CASK: variants seen among roughly 807,000 people sequenced by gnomAD.
CASK encodes the protein calcium/calmodulin dependent serine protein kinase.
A neutral mutation model predicts 82.9 loss-of-function variants in CASK; 4 were observed. That is an observed-to-expected ratio of 0.05 (90% CI 0.02 to 0.11). The LOEUF (loss-of-function observed/expected upper bound fraction) is 0.11, where lower values mean the gene tolerates loss of function less well. Ranked by LOEUF, CASK falls within the 10% of genes least tolerant of loss-of-function variation. The probability of loss-of-function intolerance (pLI) is 1.00; values close to 1 mark genes in which losing one functional copy is unlikely to be tolerated. For missense variants in CASK, 358 were observed against 720.9 expected, an observed-to-expected ratio of 0.50 and a Z score of 5.76; for synonymous variants, 259 against 253.5, an observed-to-expected ratio of 1.02 and a Z score of -0.20.
At chrX:41,814,098 T>C (rs760544842) in intron 2 of CASK, among the ~76,000 whole-genome samples, 1 of 111,970 alleles carries the variant, frequency 8.9e-6, no homozygotes, top group Admixed American at 9.4e-5. Context: ...AAACAACAGG[T>C]GCTGGAGAGG....
At chrX:41,618,797 C>T (rs1361053804) in intron 11 of CASK, among the ~76,000 whole-genome samples, 5 of 107,632 alleles carry the variant, frequency 4.6e-5, no homozygotes, top group Non-Finnish European at 7.7e-5. Flanking sequence ...GAATGATTTG[C>T]ATTTGGTAAT....
chrX:41,900,407 C>T (rs899438124), intron 1 of CASK, among the ~76,000 whole-genome samples: 1 of 110,444 alleles, frequency 9.1e-6, no homozygotes, highest in African/African-American at 3.3e-5. Context: ...TTGATGGTAC[C>T]TCATAACTCC....
At chrX:41,652,908 T>G (rs949236803) in intron 8 of CASK, among the ~76,000 whole-genome samples, 23 of 112,396 alleles carry the variant, frequency 2.0e-4, no homozygotes, top group East Asian at 8.4e-4. Flanking sequence ...GATCTCTGAT[T>G]TGTAGCCAGT....
chrX:41,713,427 T>C (rs1235394145), intron 5 of CASK, among the ~76,000 whole-genome samples: 2 of 112,189 alleles, frequency 1.8e-5, no homozygotes, highest in African/African-American at 6.5e-5. Context: ...AAGGGGACTG[T>C]CCAATTTCAC....
At chrX:41,820,865 G>A (rs2070521777) in intron 2 of CASK, among the ~76,000 whole-genome samples, 1 of 111,072 alleles carries the variant, frequency 9.0e-6, no homozygotes, top group Admixed American at 9.6e-5. Context: ...ACTCAATAGG[G>A]TTATTTCAAC....
intron 17 of CASK, among the ~76,000 whole-genome samples, chrX:41,560,586 C>CT (rs1164154941): frequency 2.8e-5 from 3 of 105,527 alleles, no homozygotes; most frequent in East Asian, 6.3e-4. Context: ...TTAATTTTGG[C>CT]TTTTTTTTAA....
intron 11 of CASK, among the ~76,000 whole-genome samples, chrX:41,616,477 C>T (rs931888473): frequency 3.6e-5 from 4 of 111,679 alleles, no homozygotes; most frequent in African/African-American, 1.3e-4. Flanking sequence ...GCCTAACTTA[C>T]TACACTAATA....
intron 12 of CASK, among the ~76,000 whole-genome samples, chrX:41,595,767 TTCTC>T (rs2065812301): frequency 9.0e-6 from 1 of 111,673 alleles, no homozygotes; most frequent in Non-Finnish European, 1.9e-5. Context: ...ATGCTGTCCT[TTCTC>T]TCATCCAGAT....
intron 5 of CASK, chrX:41,675,927 A>G: frequency 8.3e-7 from 1 of 1,207,816 alleles, no homozygotes; most frequent in East Asian, 3.0e-5. Flanking sequence ...TTTGCAAGAG[A>G]GCAGGCTTTC....
intron 13 of CASK, among the ~76,000 whole-genome samples, chrX:41,589,029 T>C (rs1171631625): frequency 8.9e-6 from 1 of 112,374 alleles, no homozygotes; most frequent in Admixed American, 9.5e-5. Context: ...TTTTCCAAAC[T>C]TTCTGCAATG....
intron 5 of CASK, among the ~76,000 whole-genome samples, chrX:41,733,831 T>C (rs1035537257): frequency 8.9e-6 from 1 of 111,939 alleles, no homozygotes; most frequent in African/African-American, 3.2e-5. Flanking sequence ...CTATACAACA[T>C]GATAAACTTT....
chrX:41,604,763 A>G (rs1189302083), intron 12 of CASK, among the ~76,000 whole-genome samples: 1 of 112,354 alleles, frequency 8.9e-6, no homozygotes, highest in Non-Finnish European at 1.9e-5. Context: ...AGCTGGACCA[A>G]GCAGTTCCTC....
rs375806938 is a variant in CASK, at chrX:41,901,925, T to C, written c.59+21005A>G. Among the ~76,000 whole-genome samples the C allele has an allele frequency of 4.5e-5, 5 of 111,662 alleles. No homozygotes were observed. The East Asian group carries it at 1.1e-3, about 25-fold the overall frequency. ...GGCACCTGGATTCAAGGACGCAGGCTTGGTGCCTGGGATCACGAAGGTAGG... is the reference window on the plus strand; with the variant it reads ...GGCACCTGGATTCAAGGACGCAGGCCTGGTGCCTGGGATCACGAAGGTAGG... On this transcript the variant is annotated intron_variant, in intron 1 of 26. Coordinates refer to ENST00000378163, the MANE Select transcript of CASK (RefSeq NM_001367721.1).
rs147456035 is a variant in CASK, at chrX:41,748,491, C to T, written c.279-2890G>A. 9.3e-3 allele frequency: 1,725 copies of T among 186,022 alleles called. 18 individuals carry two copies. Among genetic ancestry groups the T allele is most frequent in the South Asian group, 0.031 (318 of 10,225 alleles). 15.3% of individuals were successfully genotyped at this position (186,022 alleles called of 1,213,427 possible). Reference sequence around the variant, plus strand: ...AAGATCTAGTAAAATGGCAGAATAACCTGTTCCTATCCCACCAGTTTGGAT... The same window carrying T: ...AAGATCTAGTAAAATGGCAGAATAATCTGTTCCTATCCCACCAGTTTGGAT... On this transcript the variant is annotated intron_variant, in intron 3 of 26. Coordinates refer to ENST00000378163, the MANE Select transcript of CASK (RefSeq NM_001367721.1).
In CASK at chrX:41,544,148, C is replaced by A. The variant is rs143962500; in HGVS notation, c.2040-1342G>T. ...TTATTAATATACGTGTTGCAGATAT[C>A]TTCTTCTACTCTGTGGTTTGCCTTT... On this transcript the variant is annotated intron_variant, in intron 21 of 26. Coordinates refer to ENST00000378163, the MANE Select transcript of CASK (RefSeq NM_001367721.1). 4.6e-3 allele frequency among the ~76,000 whole-genome samples: 513 copies of A among 112,407 alleles called. 4 individuals are homozygous for A. Among genetic ancestry groups the A allele is most frequent in the African/African-American group, 0.016 (490 of 30,981 alleles).
chrX:41,772,693 C>A (rs2069267965), intron 3 of CASK, among the ~76,000 whole-genome samples: 1 of 111,373 alleles, frequency 9.0e-6, no homozygotes, highest in Non-Finnish European at 1.9e-5. Flanking sequence ...GTGAGTTCTA[C>A]AAATCACATA....
chrX:41,793,026 A>G (rs1441596174), intron 2 of CASK, among the ~76,000 whole-genome samples: 1 of 112,169 alleles, frequency 8.9e-6, no homozygotes, highest in Non-Finnish European at 1.9e-5. Context: ...ATCTAAATTC[A>G]AACAGATGTG....
chrX:41,847,752 C>G (rs1179636324), intron 2 of CASK, among the ~76,000 whole-genome samples: 1 of 112,196 alleles, frequency 8.9e-6, no homozygotes, highest in African/African-American at 3.2e-5. Context: ...GGAACACATT[C>G]TGCAGTCTGT....
intron 22 of CASK, among the ~76,000 whole-genome samples, chrX:41,536,776 C>T (rs1408871912): frequency 9.0e-6 from 1 of 111,199 alleles, no homozygotes; most frequent in Non-Finnish European, 1.9e-5. Flanking sequence ...GAATGGCAGA[C>T]TCACAAAATT....
Sources: allele counts gnomAD v4.1 joint callset (sites outside exome capture counted in the v4.1 genomes callset), GRCh38; gene constraint gnomAD v4.1.1; transcripts MANE v1.5; gene names NCBI Gene and HGNC (gene_info 2026-07-23, HGNC 2026-07-21).